JAK3: variants seen among roughly 807,000 people sequenced by gnomAD.
JAK3 encodes the protein tyrosine-protein kinase JAK3.
In JAK3, 88 loss-of-function variants were observed where a neutral mutation model predicts 120.8. The observed-to-expected ratio is 0.73, with a 90% CI of 0.61 to 0.87. JAK3 has a LOEUF of 0.87. Among genes scored for constraint, JAK3 ranks in the 40% least tolerant of loss-of-function variants. The pLI, the probability that JAK3 is intolerant of heterozygous loss-of-function variation, is 0.00. For synonymous variants in JAK3, 592 were observed against 628.6 expected (o/e 0.94, Z 0.87); for missense variants, 1,254 against 1,501.4 (o/e 0.84, Z 2.72).
intron 21 of JAK3, 86 bp from the exon 22 acceptor site, chr19:17,830,706 G>T: frequency 1.9e-6 from 2 of 1,066,470 alleles, no homozygotes; most frequent in African/African-American, 1.6e-5. Context: ...ACTGGTCAGG[G>T]TAGGTGGGGA....
At chr19:17,846,048 C>T (rs2094251468) in intron 1 of JAK3, among the ~76,000 whole-genome samples, 1 of 152,004 alleles carries the variant, frequency 6.6e-6, no homozygotes, top group Non-Finnish European at 1.5e-5. Flanking sequence ...GAACTCCTGA[C>T]CTCGAGTGAT....
At chr19:17,833,398 A>G (rs1197720794) in intron 17 of JAK3, among the ~76,000 whole-genome samples, 1 of 152,060 alleles carries the variant, frequency 6.6e-6, no homozygotes, top group Non-Finnish European at 1.5e-5. Flanking sequence ...GGGCCTGGAC[A>G]CCCTCATTGA....
chr19:17,831,265 A>G lies in JAK3; in HGVS notation c.2941T>C (p.Tyr981His). ...AKLLPLDKDY[Y>H]VVREPGQSPI... The stretch of plus-strand genomic sequence containing the variant: ...CTCTGGCCTGGCTCGCGGACCACGT[A>G]GTAGTCTTTGTCAAGCGGCAGCAGC... Residue 981 changes from tyrosine (Y) to histidine (H), a missense_variant, in exon 21 of 24, where the codon TAC becomes CAC. This residue lies in a region of JAK3 where 630 missense variants were observed against 819.8 expected (regional missense o/e 0.77). Transcript: ENST00000458235. The surrounding 1 kb of genome is among the most constrained non-coding windows in gnomAD (Gnocchi z 5.1). 1 of 1,612,546 alleles carries G rather than the reference A, an allele frequency of 6.2e-7. No homozygotes were observed. Among genetic ancestry groups the G allele is most frequent in the Non-Finnish European group, 8.5e-7 (1 of 1,179,776 alleles).
rs945264945 is a variant in JAK3 at position 17,841,265 on chromosome 19, G to A, written c.1142+124C>T. The A allele has an allele frequency of 6.5e-6, 6 of 921,896 alleles. No homozygotes were observed. The East Asian group carries it at 7.9e-5, about 12-fold the overall frequency. The allele number at this position is 921,896 out of a possible 1,614,324, so 57.1% of individuals were successfully genotyped here. ...CAGCTTCACTGAGCGCTGACTGTGC[G>A]GCAGGTGTGGTTTGAAAACTTGACC... On this transcript the variant is annotated intron_variant, in intron 8 of 23. Coordinates refer to ENST00000458235, the MANE Select transcript of JAK3 (RefSeq NM_000215.4). This position sits in a 1 kb window ranked among gnomAD's most constrained non-coding sequence, Gnocchi z 4.1.
At position 17,831,847 on chromosome 19, in the gene JAK3, C is replaced by T. The variant is rs150348605; in HGVS notation, c.2681-49G>A. The T allele has an allele frequency of 2.6e-4, 425 of 1,605,386 alleles. No homozygotes were observed. The African/African-American group carries it at 4.6e-3, about 17-fold the overall frequency. On this transcript the variant is annotated intron_variant, in intron 19 of 23. Transcript: ENST00000458235. This position sits in a 1 kb window ranked among gnomAD's most constrained non-coding sequence, Gnocchi z 5.1. ...AGCAGGGCCCAGCCCTGCTCGTCCC[C>T]CCATTCTTCCCCCCTTTCACAGTGG...
At chr19:17,834,340 G>A (rs1002095006) in intron 17 of JAK3, among the ~76,000 whole-genome samples, 8 of 152,138 alleles carry the variant, frequency 5.3e-5, no homozygotes, top group Non-Finnish European at 5.9e-5. Flanking sequence ...AGGCAACAGA[G>A]CAAGACTCTG....
Position 17,843,677 on chromosome 19 carries a change from G to T in JAK3, c.308+100C>A. 2 of 1,446,276 alleles carry T rather than the reference G, an allele frequency of 1.4e-6. No homozygotes were observed. Among genetic ancestry groups the T allele is most frequent in the Non-Finnish European group, 1.9e-6 (2 of 1,028,976 alleles). The allele number at this position is 1,446,276 out of a possible 1,614,324, so 89.6% of individuals were successfully genotyped here. On this transcript the variant is annotated intron_variant, in intron 3 of 23. Transcript: ENST00000458235. This position sits in a 1 kb window ranked among gnomAD's most constrained non-coding sequence, Gnocchi z 5.4. ...GGTCTGTTTCCTCATCTGAGAAATG[G>T]GTAGTGACCATACCTCCCTGGGGCA... is the stretch of plus-strand genomic sequence containing the variant.
intron 1 of JAK3, among the ~76,000 whole-genome samples, chr19:17,847,679 C>A (rs2094255326): frequency 6.8e-6 from 1 of 146,986 alleles, no homozygotes; most frequent in Non-Finnish European, 1.5e-5. Flanking sequence ...CCACCCCCAA[C>A]CCCGCAGCCC....
Position 17,839,561 on chromosome 19 carries a change from G to C in JAK3, c.1357C>G (p.Leu453Val), listed in dbSNP as rs1484358261. The C allele has an allele frequency of 1.2e-6, 2 of 1,609,256 alleles. No individual in the cohort carries two copies. The highest frequency in any genetic ancestry group is 1.3e-5 in the African/African-American group (1 of 74,872). Residue 453 changes from leucine to valine, a missense_variant, in exon 10 of 24, where the codon CTC (leucine) becomes GTC (valine). Around this residue, in one of 3 missense-constraint regions of JAK3, gnomAD observed 486 missense variants for 503.0 expected, o/e 0.97. Transcript: ENST00000458235. ...CCCCCATCCCAGCAGGTTGCCAGGAGCTCTCGAAGACTGCTGTGGGGTCGG... is the reference window on the plus strand; with the variant it reads ...CCCCCATCCCAGCAGGTTGCCAGGACCTCTCGAAGACTGCTGTGGGGTCGG... The part of the protein sequence containing the change: ...LSRPHSSLRE[L>V]LATCWDGGLH...
At position 17,826,577 on chromosome 19, in the gene JAK3, A is replaced by G. The variant is rs1274015419; in HGVS notation, c.*166T>C. On this transcript the variant is annotated 3_prime_UTR_variant, in exon 24 of 24. Transcript: ENST00000458235. ...AACCTTAACAAATTGCAAAGGCCAC[A>G]GGCTATTCTACAGGCCACGGGAGCC... 5.3e-6 allele frequency: 4 copies of G among 749,206 alleles called. No individual in the cohort carries two copies. Among genetic ancestry groups the G allele is most frequent in the South Asian group, 1.4e-5 (1 of 69,854 alleles). 46.4% of individuals were successfully genotyped at this position (749,206 alleles called of 1,614,324 possible).
At chr19:17,827,246 T>TG (rs1294700079) in intron 23 of JAK3, among the ~76,000 whole-genome samples, 1 of 152,150 alleles carries the variant, frequency 6.6e-6, no homozygotes, top group Non-Finnish European at 1.5e-5. Flanking sequence ...CCCAAAGTGC[T>TG]GGGATTATAG....
intron 22 of JAK3, 82 bp from the exon 23 acceptor site, chr19:17,830,300 G>T: frequency 8.8e-7 from 1 of 1,137,250 alleles, no homozygotes; most frequent in Non-Finnish European, 1.3e-6. Context: ...TGGGGGTAGG[G>T]GCCATCTGTG....
At position 17,832,388 on chromosome 19, in the gene JAK3, C is replaced by T. The variant is rs2094215960; in HGVS notation, c.2680+131G>A. On this transcript the variant is annotated intron_variant, in intron 19 of 23. Coordinates refer to ENST00000458235, the MANE Select transcript of JAK3 (RefSeq NM_000215.4). The surrounding 1 kb of genome is among the most constrained non-coding windows in gnomAD (Gnocchi z 4.7). ...TAAGGGGTAGAGTCAGGATTCAAAC[C>T]TGTAACCCATGTGAATCTGGATCAA... is the stretch of plus-strand genomic sequence containing the variant. 1.1e-6 allele frequency: 1 copy of T among 939,306 alleles called. No individual in the cohort carries two copies. The highest frequency in any genetic ancestry group is 1.7e-6 in the Non-Finnish European group (1 of 581,764). 58.2% of individuals were successfully genotyped at this position (939,306 alleles called of 1,614,324 possible). A position where few individuals can be genotyped will look rare whatever the true frequency, so the allele number is the denominator to read the frequency against.
Position 17,832,013 on chromosome 19 carries a change from G to A in JAK3, c.2681-215C>T, listed in dbSNP as rs3213411. Among the ~76,000 whole-genome samples the A allele has an allele frequency of 4.5e-4, 68 of 152,292 alleles. No individual in the cohort carries two copies. The highest frequency in any genetic ancestry group is 1.4e-3 in the Admixed American group (22 of 15,298). ...ATCACGGCCAGGTGCAGTGGCTCAC[G>A]CCTGTAATCCCAGCACTTTGGAAGC... On this transcript the variant is annotated intron_variant, in intron 19 of 23. Coordinates refer to ENST00000458235, the MANE Select transcript of JAK3 (RefSeq NM_000215.4). The surrounding 1 kb of genome is among the most constrained non-coding windows in gnomAD (Gnocchi z 4.7).
intron 10 of JAK3, 21 bp downstream of exon 10, chr19:17,839,456 C>T (rs1486139809): frequency 6.4e-7 from 1 of 1,559,944 alleles, no homozygotes; most frequent in Non-Finnish European, 8.7e-7. Context: ...GCCACTCATT[C>T]CAGGGGAGGA....
rs1442167032 is a variant in JAK3, at chr19:17,842,291, GC to G, written c.861+24del. ...CGAGCCCCGCCCCCACGTTGGCCCC[GC>G]CCAGCGGGGGAGTCCGCCCTCACCT... On this transcript the variant is annotated intron_variant, in intron 6 of 23. Transcript: ENST00000458235. The surrounding 1 kb of genome is among the most constrained non-coding windows in gnomAD (Gnocchi z 6.4). 2 of 669,956 alleles carry G rather than the reference GC, an allele frequency of 3.0e-6. No individual in the cohort carries two copies. The highest frequency in any genetic ancestry group is 1.1e-4 in the East Asian group (2 of 18,944). 41.5% of individuals were successfully genotyped at this position (669,956 alleles called of 1,614,324 possible).
chr19:17,832,801 G>C lies in JAK3; in HGVS notation c.2479C>G (p.Gln827Glu), dbSNP rs144683649. Residue 827 changes from glutamine to glutamate, a missense_variant, in exon 18 of 24, where the codon CAG becomes GAG. Gln to Glu is a conservative substitution (Grantham distance 29). Coordinates refer to ENST00000458235, the MANE Select transcript of JAK3 (RefSeq NM_000215.4). This position sits in a 1 kb window ranked among gnomAD's most constrained non-coding sequence, Gnocchi z 4.7. The part of the protein sequence containing the change: ...FEERHLKYIS[Q>E]LGKGNFGSVE... Reference sequence around the variant, plus strand: ...CCTGCCCACCTTACCTTGCCCAGCTGTGAGATGTACTTGAGGTGTCTCTCC... The same window carrying C: ...CCTGCCCACCTTACCTTGCCCAGCTCTGAGATGTACTTGAGGTGTCTCTCC... 5.0e-5 allele frequency: 81 copies of C among 1,614,264 alleles called. 1 individual carries two copies. The highest frequency in any genetic ancestry group is 3.3e-4 in the Middle Eastern group (2 of 6,062).
chr19:17,836,088 G>T, intron 13 of JAK3, 37 bp from the exon 14 acceptor site: 1 of 1,611,246 alleles, frequency 6.2e-7, no homozygotes, highest in South Asian at 1.1e-5. Flanking sequence ...TTGGGAGACT[G>T]AACTGCACTT....
rs771165188 is a variant in JAK3, at chr19:17,844,430, C to T, written c.-13G>A. The T allele has an allele frequency of 2.0e-5, 32 of 1,604,786 alleles. No individual in the cohort carries two copies. Among genetic ancestry groups the T allele is most frequent in the Non-Finnish European group, 2.6e-5 (31 of 1,176,382 alleles). On this transcript the variant is annotated splice_region_variant and 5_prime_UTR_variant, in exon 2 of 24. Coordinates refer to ENST00000458235, the MANE Select transcript of JAK3 (RefSeq NM_000215.4). ...TTGGAGGTGCCATGAGTGCAACTTG[C>T]CTGGGGCACAGAGAGAAAAAGCCCC...
Sources: gnomAD v4.1 joint callset for allele counts (sites outside exome capture counted in the v4.1 genomes callset) on GRCh38, gnomAD v4.1.1 for gene constraint, gnomAD v4.1.1 regional missense constraint, Gnocchi (gnomAD v3.1) non-coding constraint, MANE v1.5 for transcripts, NCBI Gene and HGNC (gene_info 2026-07-23, HGNC 2026-07-21) for gene names.